STRADA: variants seen among roughly 807,000 people sequenced by gnomAD.
STRADA encodes the protein STE20 related adaptor alpha, also known as STE20-related kinase adapter protein alpha.
In STRADA, 26 loss-of-function variants were observed where a neutral mutation model predicts 55.0. That is an observed-to-expected ratio of 0.47 (90% confidence interval 0.35 to 0.66). The LOEUF is 0.66. Among genes scored for constraint, STRADA ranks in the 30% least tolerant of loss-of-function variants. The pLI, the probability that STRADA is intolerant of heterozygous loss-of-function variation, is 0.01. For missense variants in STRADA, 443 were observed against 549.7 expected, an observed-to-expected ratio of 0.81 and a Z score of 1.94; for synonymous variants, 197 against 210.9, an observed-to-expected ratio of 0.93 and a Z score of 0.57.
intron 6 of STRADA, among the ~76,000 whole-genome samples, chr17:63,711,315 G>A (rs889814087): frequency 6.6e-6 from 1 of 152,096 alleles, no homozygotes; most frequent in South Asian, 2.1e-4. Context: ...GATTATAGGC[G>A]TGAGCCACCA....
At chr17:63,731,194 G>A (rs945022605) in intron 1 of STRADA, among the ~76,000 whole-genome samples, 4 of 150,042 alleles carry the variant, frequency 2.7e-5, no homozygotes, top group Non-Finnish European at 5.9e-5. Context: ...TGCCCGCCTC[G>A]GGCCTTCCAA....
intron 4 of STRADA, among the ~76,000 whole-genome samples, chr17:63,717,958 T>C (rs1388653539): frequency 6.7e-6 from 1 of 150,072 alleles, no homozygotes; most frequent in East Asian, 2.0e-4. Context: ...TTATTTGAGA[T>C]AGGCTCTCAA....
intron 9 of STRADA, 39 bp from the exon 10 acceptor site, chr17:63,706,778 G>T: frequency 6.6e-7 from 1 of 1,525,422 alleles, no homozygotes; most frequent in South Asian, 1.1e-5. Context: ...ACCCCATTTG[G>T]TCTTTGTTCT....
intron 3 of STRADA, among the ~76,000 whole-genome samples, chr17:63,725,238 AAAC>A (rs747305225): frequency 1.0e-3 from 152 of 152,286 alleles, no homozygotes; most frequent in Non-Finnish European, 1.7e-3. Context: ...TCTCAAAACA[AAAC>A]AACAACAAAA....
intron 4 of STRADA, 75 bp from the exon 5 acceptor site, chr17:63,714,183 C>T: frequency 3.6e-6 from 4 of 1,104,266 alleles, no homozygotes; most frequent in Non-Finnish European, 5.4e-6. Context: ...GGTGGTAATT[C>T]AGACCCACGA....
chr17:63,741,825 TG>T, upstream of STRADA: 1 of 153,376 alleles, frequency 6.5e-6, no homozygotes, highest in Non-Finnish European at 1.5e-5. Flanking sequence ...GACCGGTTGC[TG>T]GGAGGGGAGT....
chr17:63,708,206 G>C (rs1386246607), intron 8 of STRADA, among the ~76,000 whole-genome samples: 1 of 150,852 alleles, frequency 6.6e-6, no homozygotes, highest in Non-Finnish European at 1.5e-5. Flanking sequence ...TGTTCTTGTT[G>C]TTGTTGTTGT....
chr17:63,715,834 G>A (rs1408782412), intron 4 of STRADA, among the ~76,000 whole-genome samples: 3 of 152,064 alleles, frequency 2.0e-5, no homozygotes, highest in African/African-American at 7.2e-5. Context: ...TTTCACTGCT[G>A]TATCATATAT....
chr17:63,728,512 C>A, intron 1 of STRADA, 99 bp from the exon 2 acceptor site: 1 of 589,982 alleles, frequency 1.7e-6, no homozygotes, highest in Non-Finnish European at 2.9e-6. Context: ...CCATTCAAAG[C>A]ACTGGACTTC....
Position 63,740,147 on chromosome 17 carries a change from TACACACAC to T in STRADA, c.-45+1586_-45+1593del, listed in dbSNP as rs57585655. The stretch of plus-strand genomic sequence containing the variant: ...ATATATACACATACATATATATATA[TACACACAC>T]ACACACACACACACACACACACACA... On this transcript the variant is annotated intron_variant, in intron 1 of 12. Coordinates refer to ENST00000336174, the MANE Select transcript of STRADA (RefSeq NM_001003787.4). Among the ~76,000 whole-genome samples the T allele has an allele frequency of 2.1e-3, 142 of 66,986 alleles. 13 individuals are homozygous for T. In the South Asian group the frequency reaches 0.029, roughly 14 times the overall value. The allele number at this position is 66,986 out of a possible 152,430, so 43.9% of individuals were successfully genotyped here. A position where few individuals can be genotyped will look rare whatever the true frequency, so the allele number is the denominator to read the frequency against.
At chr17:63,719,792 C>T (rs1018525702) in intron 4 of STRADA, among the ~76,000 whole-genome samples, 2 of 151,920 alleles carry the variant, frequency 1.3e-5, no homozygotes, top group Admixed American at 6.6e-5. Context: ...CAGATAGATA[C>T]TTCATTACCT....
chr17:63,720,262 A>G (rs956711891), intron 4 of STRADA, among the ~76,000 whole-genome samples: 3 of 151,356 alleles, frequency 2.0e-5, no homozygotes, highest in African/African-American at 7.3e-5. Flanking sequence ...GCAGCCTTGA[A>G]CTCCTGGGCT....
chr17:63,735,294 C>T (rs1411009705), intron 1 of STRADA, among the ~76,000 whole-genome samples: 1 of 152,138 alleles, frequency 6.6e-6, no homozygotes, highest in Non-Finnish European at 1.5e-5. Flanking sequence ...GACAATATGG[C>T]GTAGTAAAAA....
At chr17:63,712,845 A>G (rs1200315168) in intron 6 of STRADA, among the ~76,000 whole-genome samples, 1 of 152,004 alleles carries the variant, frequency 6.6e-6, no homozygotes, top group African/African-American at 2.4e-5. Context: ...TTCTAAAAAT[A>G]CAAAAGTTAG....
chr17:63,707,531 CG>C, intron 8 of STRADA, 113 bp from the exon 9 acceptor site: 1 of 928,862 alleles, frequency 1.1e-6, no homozygotes, highest in Non-Finnish European at 1.6e-6. Flanking sequence ...GTGTTATACA[CG>C]TATATGTGTA....
chr17:63,718,661 C>G (rs2037071883), intron 4 of STRADA: 1 of 152,188 alleles, frequency 6.6e-6, no homozygotes, highest in Non-Finnish European at 1.5e-5. Flanking sequence ...CCACGCTCGC[C>G]TGACTTGAAC....
chr17:63,707,923 G>A (rs1017669529), intron 8 of STRADA, among the ~76,000 whole-genome samples: 17 of 150,464 alleles, frequency 1.1e-4, no homozygotes, highest in Admixed American at 6.0e-4. Context: ...ATTTTTAGTG[G>A]AGACAGGGTT....
intron 10 of STRADA, chr17:63,705,310 C>T: frequency 3.7e-6 from 1 of 270,556 alleles, no homozygotes; most frequent in Non-Finnish European, 7.2e-6. Context: ...GACAGCCACA[C>T]AGTCTCATGG....
intron 4 of STRADA, 191 bp from the exon 5 acceptor site, chr17:63,714,299 G>A: frequency 1.8e-6 from 1 of 567,698 alleles, no homozygotes; most frequent in Non-Finnish European, 3.3e-6. Flanking sequence ...TAATATCAGA[G>A]CAAGTGTTAG....
Sources: gnomAD v4.1 joint callset for allele counts (sites outside exome capture counted in the v4.1 genomes callset) on GRCh38, gnomAD v4.1.1 for gene constraint, MANE v1.5 for transcripts, NCBI Gene and HGNC (gene_info 2026-07-23, HGNC 2026-07-21) for gene names.